The following FRMD3 variants were observed in gnomAD, a reference collection of about 807,000 sequenced individuals.
The protein encoded by FRMD3 is FERM domain-containing protein 3.
A neutral mutation model predicts 70.2 loss-of-function variants in FRMD3; 33 were observed. The ratio of observed to expected loss-of-function variants is 0.47; its 90% CI spans 0.36 to 0.63. FRMD3 has a LOEUF of 0.63. FRMD3 is among the 20% of genes least tolerant of loss of function. The probability of loss-of-function intolerance (pLI) is 0.00; values close to 1 mark genes in which losing one functional copy is unlikely to be tolerated. For missense variants in FRMD3, 632 were observed against 711.4 expected, an observed-to-expected ratio of 0.89 and a Z score of 1.27; for synonymous variants, 279 against 255.9, an observed-to-expected ratio of 1.09 and a Z score of -0.86.
At chr9:83,278,675 G>T (rs1833870512) in intron 13 of FRMD3, among the ~76,000 whole-genome samples, 1 of 152,132 alleles carries the variant, frequency 6.6e-6, no homozygotes, top group Admixed American at 6.5e-5. Context: ...GACCCACGTG[G>T]ACTGTCAATC....
In FRMD3 at chr9:83,247,294, CA is replaced by C. The variant is rs1832151051; in HGVS notation, c.*623del. Reference sequence around the variant, plus strand: ...GTTCAGCCAAAAATATTTTTAAAAACAAAGTAGCGCCAAAACATTAAAAAAA... The same window carrying C: ...GTTCAGCCAAAAATATTTTTAAAAACAAGTAGCGCCAAAACATTAAAAAAA... On this transcript the variant is annotated 3_prime_UTR_variant, in exon 14 of 14. Transcript: ENST00000304195. 4 of 984,276 alleles carry C rather than the reference CA, an allele frequency of 4.1e-6. No individual in the cohort carries two copies. The highest frequency in any genetic ancestry group is 4.8e-6 in the Non-Finnish European group (4 of 829,568). 61.0% of individuals were successfully genotyped at this position (984,276 alleles called of 1,614,324 possible).
chr9:83,391,656 C>T lies in FRMD3; in HGVS notation c.148-1948G>A, dbSNP rs186620953. Among the ~76,000 whole-genome samples, 386 of 152,292 alleles carry T rather than the reference C, an allele frequency of 2.5e-3. 1 individual carries two copies. The highest frequency in any genetic ancestry group is 5.2e-3 in the Admixed American group (80 of 15,300). On this transcript the variant is annotated intron_variant, in intron 1 of 13. Transcript: ENST00000304195. ...AGGATTAAACACAGCAACCAATATA[C>T]ACCCTCCAGCAAGATCTCCATTGAC...
rs1829219639 is a variant in FRMD3, at chr9:83,507,682, AT to A, written c.147+30402del. Among the ~76,000 whole-genome samples the A allele has an allele frequency of 5.5e-5, 2 of 36,314 alleles. 1 individual carries two copies. The highest frequency in any genetic ancestry group is 9.2e-5 in the Non-Finnish European group (2 of 21,650). 23.8% of individuals were successfully genotyped at this position (36,314 alleles called of 152,430 possible). A position where few individuals can be genotyped will look rare whatever the true frequency, so the allele number is the denominator to read the frequency against. On this transcript the variant is annotated intron_variant, in intron 1 of 13. Transcript: ENST00000304195. ...GAAACTCCGTCTCAAACAAAAAAAA[AT>A]ATACATACATATATATATATATATA...
intron 6 of FRMD3, among the ~76,000 whole-genome samples, chr9:83,324,595 C>CA (rs1211693329): frequency 2.6e-5 from 4 of 152,024 alleles, no homozygotes; most frequent in African/African-American, 7.2e-5. Flanking sequence ...CAAGGACCCC[C>CA]AAACTAAAGG....
intron 1 of FRMD3, among the ~76,000 whole-genome samples, chr9:83,482,314 T>A (rs1370744136): frequency 6.6e-6 from 1 of 151,926 alleles, no homozygotes; most frequent in Non-Finnish European, 1.5e-5. Flanking sequence ...GGGAAAAGAG[T>A]TTTTCTTTCT....
chr9:83,577,652 T>C, the FRMD3 span, among the ~76,000 whole-genome samples: 1 of 151,978 alleles, frequency 6.6e-6, no homozygotes, highest in Admixed American at 6.6e-5. Flanking sequence ...GACAAAGCCT[T>C]CTTGGATATG....
chr9:83,432,142 C>T (rs753055763), intron 1 of FRMD3, among the ~76,000 whole-genome samples: 7 of 152,170 alleles, frequency 4.6e-5, no homozygotes, highest in Admixed American at 2.0e-4. Flanking sequence ...ACTTAAAACA[C>T]GGCATTGCAA....
At chr9:83,292,395 C>A (rs1834460860) in intron 12 of FRMD3, among the ~76,000 whole-genome samples, 1 of 152,076 alleles carries the variant, frequency 6.6e-6, no homozygotes, top group African/African-American at 2.4e-5. Flanking sequence ...CTTCTGACCT[C>A]ATGATCTGCC....
At chr9:83,363,236 A>C (rs1221911749) in intron 3 of FRMD3, among the ~76,000 whole-genome samples, 1 of 152,152 alleles carries the variant, frequency 6.6e-6, no homozygotes, top group East Asian at 1.9e-4. Context: ...CTTCTTCTAC[A>C]CGCTATATAG....
chr9:83,331,414 T>G (rs117804239), intron 6 of FRMD3, among the ~76,000 whole-genome samples: 107 of 152,266 alleles, frequency 7.0e-4, no homozygotes, highest in Non-Finnish European at 1.3e-3. Context: ...ATAGAGACAG[T>G]AAAAAGATCA....
chr9:83,270,768 A>G lies in FRMD3; in HGVS notation c.1195+19835T>C, dbSNP rs183973833. Among the ~76,000 whole-genome samples, 291 of 152,172 alleles carry G rather than the reference A, an allele frequency of 1.9e-3. 1 individual carries two copies. The highest frequency in any genetic ancestry group is 6.7e-3 in the African/African-American group (280 of 41,512). ...GTGAGGATTAATCAAGTTAATACACATGGCATTCTCAGATCAGTGCCTTGC... is the reference window on the plus strand; with the variant it reads ...GTGAGGATTAATCAAGTTAATACACGTGGCATTCTCAGATCAGTGCCTTGC... On this transcript the variant is annotated intron_variant, in intron 13 of 13. Transcript: ENST00000304195.
intron 1 of FRMD3, among the ~76,000 whole-genome samples, chr9:83,413,473 T>C (rs1176695299): frequency 7.9e-5 from 12 of 152,210 alleles, no homozygotes; most frequent in Non-Finnish European, 1.5e-4. Flanking sequence ...CACAACAATA[T>C]GTCAGTTCTT....
intron 13 of FRMD3, among the ~76,000 whole-genome samples, chr9:83,279,973 G>C (rs1833919705): frequency 6.6e-6 from 1 of 152,112 alleles, no homozygotes; most frequent in African/African-American, 2.4e-5. Flanking sequence ...TTCTAAAAAA[G>C]TAAAATAAAA....
intron 3 of FRMD3, among the ~76,000 whole-genome samples, chr9:83,354,779 A>C (rs944545604): frequency 1.3e-5 from 2 of 152,206 alleles, no homozygotes; most frequent in African/African-American, 4.8e-5. Flanking sequence ...GGAAAGAATA[A>C]AGCCAAGAAG....
intron 1 of FRMD3, among the ~76,000 whole-genome samples, chr9:83,419,663 A>AGT (rs200496991): frequency 3.3e-5 from 5 of 149,898 alleles, no homozygotes; most frequent in Non-Finnish European, 7.4e-5. Flanking sequence ...ATGTGTATTG[A>AGT]GTGTGTGTGT....
At chr9:83,522,030 C>CTGAG (rs906277294) in intron 1 of FRMD3, among the ~76,000 whole-genome samples, 2 of 152,136 alleles carry the variant, frequency 1.3e-5, no homozygotes, top group African/African-American at 4.8e-5. Flanking sequence ...AGGAGACACG[C>CTGAG]TGAGGGTGAA....
At chr9:83,382,693 A>G (rs1349363322) in intron 2 of FRMD3, among the ~76,000 whole-genome samples, 1 of 152,016 alleles carries the variant, frequency 6.6e-6, no homozygotes, top group Non-Finnish European at 1.5e-5. Flanking sequence ...TTGAGTCTAT[A>G]CCTATCCTTG....
At chr9:83,254,971 A>G (rs1181646132) in intron 13 of FRMD3, among the ~76,000 whole-genome samples, 1 of 152,228 alleles carries the variant, frequency 6.6e-6, no homozygotes, top group Non-Finnish European at 1.5e-5. Flanking sequence ...AGCTGGTACC[A>G]TTTATACTGA....
At chr9:83,436,196 T>C (rs1425880821) in intron 1 of FRMD3, among the ~76,000 whole-genome samples, 5 of 152,178 alleles carry the variant, frequency 3.3e-5, no homozygotes, top group African/African-American at 1.2e-4. Context: ...CTTTGCAGCA[T>C]CCACCTTGAG....
Sources: allele counts gnomAD v4.1 joint callset (sites outside exome capture counted in the v4.1 genomes callset), GRCh38; gene constraint gnomAD v4.1.1; transcripts MANE v1.5; gene names NCBI Gene and HGNC (gene_info 2026-07-23, HGNC 2026-07-21).